The following VPS13C variants were observed in gnomAD, a reference collection of about 807,000 sequenced individuals.
VPS13C encodes the protein vacuolar protein sorting 13 homolog C.
In VPS13C, 358 loss-of-function variants were observed where a neutral mutation model predicts 456.8. The observed-to-expected ratio is 0.78, with a 90% CI of 0.72 to 0.86. VPS13C has a LOEUF of 0.86. Ranked by LOEUF, VPS13C falls within the 40% of genes least tolerant of loss-of-function variation. The pLI, the probability that VPS13C is intolerant of heterozygous loss-of-function variation, is 0.00. For missense variants in VPS13C, 4,818 were observed against 4,385.4 expected, an observed-to-expected ratio of 1.10 and a Z score of -2.79; for synonymous variants, 1,578 against 1,486.7, an observed-to-expected ratio of 1.06 and a Z score of -1.41.
At chr15:62,025,454 A>T (rs150804607) in intron 6 of VPS13C, among the ~76,000 whole-genome samples, 1 of 152,098 alleles carries the variant, frequency 6.6e-6, no homozygotes, top group Non-Finnish European at 1.5e-5. Context: ...TCAAAGAAAT[A>T]CCATTTGAAA....
intron 5 of VPS13C, among the ~76,000 whole-genome samples, chr15:62,032,171 T>G (rs1050240553): frequency 6.6e-6 from 1 of 151,796 alleles, no homozygotes. Context: ...CAAGAAAAAG[T>G]GAAATTCTAG....
chr15:62,048,905 T>G (rs1251400301), intron 1 of VPS13C, among the ~76,000 whole-genome samples: 1 of 151,462 alleles, frequency 6.6e-6, no homozygotes, highest in Non-Finnish European at 1.5e-5. Context: ...TGTCTTCTTT[T>G]GAGAAGTGTC....
At chr15:62,051,259 A>G (rs1049553794) in intron 1 of VPS13C, among the ~76,000 whole-genome samples, 7 of 152,216 alleles carry the variant, frequency 4.6e-5, no homozygotes, top group African/African-American at 1.4e-4. Context: ...CTCGATAAAT[A>G]CTGACTTCAG....
intron 66 of VPS13C, chr15:61,907,011 TA>T (rs1386755362): frequency 1.9e-5 from 7 of 376,116 alleles, no homozygotes; most frequent in South Asian, 1.8e-4. Context: ...GTAAATTAAT[TA>T]AAAAGGTGCT....
At chr15:61,939,916 C>CT (rs1447809420) in intron 47 of VPS13C, among the ~76,000 whole-genome samples, 1 of 151,780 alleles carries the variant, frequency 6.6e-6, no homozygotes, top group Admixed American at 6.6e-5. Context: ...ATCGCTTGAA[C>CT]CCAGCTAGTG....
intron 73 of VPS13C, among the ~76,000 whole-genome samples, chr15:61,879,096 A>G (rs1895672082): frequency 6.6e-6 from 1 of 152,102 alleles, no homozygotes; most frequent in Non-Finnish European, 1.5e-5. Flanking sequence ...GCCAGTCAAA[A>G]TACAGATAAT....
rs187509230 is a variant in VPS13C, at chr15:61,866,283, G to T, written c.10863+2376C>A. ...ATAATGCACTAAAGTTTTAAAAGTT[G>T]TCTGATATCTTAATAAAAACTAAGA... On this transcript the variant is annotated intron_variant, in intron 81 of 84. Coordinates refer to ENST00000644861, the MANE Select transcript of VPS13C (RefSeq NM_020821.3). The T allele has an allele frequency of 2.4e-5, 24 of 983,362 alleles. 1 individual carries two copies. In the South Asian group the frequency reaches 1.1e-3, roughly 44 times the overall value. 60.9% of individuals were successfully genotyped at this position (983,362 alleles called of 1,614,324 possible). A position where few individuals can be genotyped will look rare whatever the true frequency, so the allele number is the denominator to read the frequency against.
chr15:61,934,179 G>C (rs987053203), intron 49 of VPS13C, 40 bp downstream of exon 49: 8 of 1,390,142 alleles, frequency 5.8e-6, no homozygotes, highest in Non-Finnish European at 7.9e-6. Flanking sequence ...ACTATCAAGA[G>C]CTAAGGATTT....
intron 34 of VPS13C, 48 bp downstream of exon 34, chr15:61,962,323 T>A (rs755720076): frequency 1.3e-6 from 2 of 1,502,024 alleles, no homozygotes; most frequent in Non-Finnish European, 9.0e-7. Flanking sequence ...TATCACACTT[T>A]TAAAATATTT....
At chr15:61,929,328 C>T (rs985921945) in intron 51 of VPS13C, among the ~76,000 whole-genome samples, 173 bp downstream of exon 51, 1 of 152,114 alleles carries the variant, frequency 6.6e-6, no homozygotes, top group Admixed American at 6.5e-5. Context: ...ATCTACTGTA[C>T]CTCTCTCTTA....
At chr15:61,885,218 T>C (rs1896180854) in intron 67 of VPS13C, among the ~76,000 whole-genome samples, 1 of 152,150 alleles carries the variant, frequency 6.6e-6, no homozygotes, top group South Asian at 2.1e-4. Flanking sequence ...AAATTGACTA[T>C]ACTGTAGTAT....
chr15:61,955,000 G>A (rs1193213380), intron 37 of VPS13C, among the ~76,000 whole-genome samples: 2 of 152,062 alleles, frequency 1.3e-5, no homozygotes, highest in African/African-American at 4.8e-5. Flanking sequence ...TCATAAGGGG[G>A]ACAACAAGAG....
At chr15:61,866,655 G>C (rs1471013519) in intron 81 of VPS13C, 1 of 984,970 alleles carries the variant, frequency 1.0e-6, no homozygotes, top group African/African-American at 1.7e-5. Context: ...CACAAGAAAG[G>C]TTTGTCAGCT....
intron 66 of VPS13C, among the ~76,000 whole-genome samples, chr15:61,902,841 A>T (rs1349443913): frequency 3.3e-5 from 5 of 150,756 alleles, no homozygotes; most frequent in Non-Finnish European, 7.4e-5. Flanking sequence ...AGTCCTAGTC[A>T]AAGCCCTCAG....
chr15:62,002,793 T>C (rs966858560), intron 15 of VPS13C, among the ~76,000 whole-genome samples: 14 of 152,360 alleles, frequency 9.2e-5, no homozygotes, highest in South Asian at 6.2e-4. Context: ...TCCCCATTGC[T>C]TGTTTTTGTC....
In VPS13C at chr15:61,890,191, C is replaced by T; in HGVS notation, c.9315G>A (p.Gln3105=). ...TGGTTATCCCAATATAGGAAACTTCCTGCTTGCTTTCATTGTTAACCAGTG... is the reference window on the plus strand; with the variant it reads ...TGGTTATCCCAATATAGGAAACTTCTTGCTTGCTTTCATTGTTAACCAGTG... The part of the protein sequence containing the change: ...GLSLVNNESK[Q]EVSYIGITSS... Residue 3105 remains glutamine (Q), a synonymous_variant, in exon 67 of 85, where the codon CAG becomes CAA. Coordinates refer to ENST00000644861, the MANE Select transcript of VPS13C (RefSeq NM_020821.3). 6.2e-7 allele frequency: 1 copy of T among 1,614,030 alleles called. No individual in the cohort carries two copies. The highest frequency in any genetic ancestry group is 8.5e-7 in the Non-Finnish European group (1 of 1,179,978).
At chr15:61,882,944 T>C (rs984451391) in intron 68 of VPS13C, among the ~76,000 whole-genome samples, 1 of 152,156 alleles carries the variant, frequency 6.6e-6, no homozygotes, top group Non-Finnish European at 1.5e-5. Flanking sequence ...CGTGAAACTT[T>C]TCAAGTATAG....
chr15:61,914,999 G>A (rs2043423461), intron 61 of VPS13C, among the ~76,000 whole-genome samples: 1 of 151,226 alleles, frequency 6.6e-6, no homozygotes, highest in Non-Finnish European at 1.5e-5. Flanking sequence ...CATTTTAAAT[G>A]GTTAGAAAAT....
chr15:61,938,372 G>A (rs965300542), intron 47 of VPS13C, among the ~76,000 whole-genome samples: 2 of 152,104 alleles, frequency 1.3e-5, no homozygotes, highest in Admixed American at 1.3e-4. Flanking sequence ...GGTATCACCT[G>A]CCTGATACCC....
Sources: allele counts gnomAD v4.1 joint callset (sites outside exome capture counted in the v4.1 genomes callset), GRCh38; gene constraint gnomAD v4.1.1; transcripts MANE v1.5; gene names NCBI Gene and HGNC (gene_info 2026-07-23, HGNC 2026-07-21).